Variants in GSE1 observed in about 807,000 individuals in gnomAD.
GSE1 encodes the protein Gse1 coiled-coil protein.
A neutral mutation model predicts 112.6 loss-of-function variants in GSE1; 32 were observed. The observed-to-expected ratio is 0.28, with a 90% CI of 0.21 to 0.38. GSE1 has a LOEUF of 0.38. Ranked by LOEUF, GSE1 falls within the 10% of genes least tolerant of loss-of-function variation. The pLI, the probability that GSE1 is intolerant of heterozygous loss-of-function variation, is 1.00. For synonymous variants in GSE1, 1,115 were observed against 735.6 expected, an observed-to-expected ratio of 1.52 and a Z score of -8.35; for missense variants, 2,348 against 1,699.2, an observed-to-expected ratio of 1.38 and a Z score of -6.71.
intron 2 of GSE1, among the ~76,000 whole-genome samples, chr16:85,440,755 C>A (rs2049356487): frequency 6.6e-6 from 1 of 152,212 alleles, no homozygotes; most frequent in Non-Finnish European, 1.5e-5. Flanking sequence ...TGGAATATGC[C>A]CGTGGAGGTG....
rs142285041 is a variant in GSE1 at position 85,654,878 on chromosome 16, C to A, written c.684C>A (p.Thr228=). The A allele has an allele frequency of 4.4e-4, 712 of 1,611,426 alleles. 1 individual carries two copies. In the African/African-American group the frequency reaches 8.3e-3, roughly 19 times the overall value. ...YLRSFRPYHT[T]DDLRMSSLPP... is the part of the protein sequence containing the mutation. Reference sequence around the variant, plus strand: ...GAAGCTTCCGGCCCTACCACACCACCGACGACCTCCGCATGTCCTCACTGC... The same window carrying A: ...GAAGCTTCCGGCCCTACCACACCACAGACGACCTCCGCATGTCCTCACTGC... Residue 228 remains threonine (T), a synonymous_variant, in exon 5 of 16, where the codon ACC becomes ACA. Transcript: ENST00000253458.
chr16:85,353,136 T>C (rs958871251), intron 1 of GSE1, among the ~76,000 whole-genome samples: 2 of 152,310 alleles, frequency 1.3e-5, no homozygotes, highest in Middle Eastern at 3.4e-3. Context: ...TAGGACGCAG[T>C]CTCAGATGGA....
chr16:85,182,191 G>C (rs1021623744), intron 1 of GSE1, among the ~76,000 whole-genome samples: 1 of 152,154 alleles, frequency 6.6e-6, no homozygotes, highest in African/African-American at 2.4e-5. Flanking sequence ...AGTCCGGGTA[G>C]TCTGGGCTCC....
Position 85,663,531 on chromosome 16 carries a change from T to C in GSE1, c.2561T>C (p.Met854Thr). The change falls in exon 11 of 16, where the codon ATG (methionine) becomes ACG (threonine). Residue 854 changes from methionine (M) to threonine (T), a missense_variant. Coordinates refer to ENST00000253458, the MANE Select transcript of GSE1 (RefSeq NM_014615.5). ...TCTACCCGCTACAGCCCTGATGAGATGAACAACAGTCCCAACTTCGAAGAA... is the reference window on the plus strand; with the variant it reads ...TCTACCCGCTACAGCCCTGATGAGACGAACAACAGTCCCAACTTCGAAGAA... ...ALSTRYSPDE[M>T]NNSPNFEEKK... is the part of the protein sequence containing the mutation. 1.2e-6 allele frequency: 2 copies of C among 1,612,998 alleles called. No individual in the cohort carries two copies. Among genetic ancestry groups the C allele is most frequent in the Non-Finnish European group, 1.7e-6 (2 of 1,179,844 alleles).
intron 2 of GSE1, among the ~76,000 whole-genome samples, chr16:85,451,910 C>G (rs2049693439): frequency 6.6e-6 from 1 of 152,214 alleles, no homozygotes; most frequent in Non-Finnish European, 1.5e-5. Context: ...CTAGGCTCCT[C>G]ATAACAGGCC....
Position 85,311,989 on chromosome 16 carries a change from C to T in GSE1, c.2284-45474C>T, listed in dbSNP as rs564860449. Among the ~76,000 whole-genome samples the T allele has an allele frequency of 2.1e-4, 32 of 152,322 alleles. No individual in the cohort carries two copies. The highest frequency in any genetic ancestry group is 1.9e-3 in the Admixed American group (29 of 15,304). On this transcript the variant is annotated intron_variant, in intron 1 of 2. Transcript: ENST00000637419. The surrounding 1 kb of genome is among the most constrained non-coding windows in gnomAD (Gnocchi z 4.2). ...CATGTCTGGAGATGTGGGCGGTGTC[C>T]GTGCACACTGCTGGAGCAGCTGGGC...
In GSE1 at chr16:85,634,036, C is replaced by G. The variant is rs2049777328; in HGVS notation, c.130C>G (p.Pro44Ala). Residue 44 changes from proline to alanine, a missense_variant, in exon 2 of 16, where the codon CCC becomes GCC. Physicochemically the swap from Pro to Ala is conservative, Grantham distance 27. Transcript: ENST00000253458. ...TGGCGCCCTGGTGCCCAGCGGCAGC[C>G]CCGCCACCAGCAGCGCGCTGTCGGC... The part of the protein sequence containing the change: ...LNGALVPSGS[P>A]ATSSALSAQA... 2 of 1,610,670 alleles carry G rather than the reference C, an allele frequency of 1.2e-6. No individual in the cohort carries two copies. The highest frequency in any genetic ancestry group is 2.7e-5 in the African/African-American group (2 of 74,854).
At chr16:85,338,973 G>A (rs762860868) in intron 1 of GSE1, among the ~76,000 whole-genome samples, 6 of 152,222 alleles carry the variant, frequency 3.9e-5, no homozygotes, top group African/African-American at 7.2e-5. Flanking sequence ...TCCTGTGAGC[G>A]TCGTCGGTTT....
In GSE1 at chr16:85,668,586, G is replaced by C. The variant is rs555368672; in HGVS notation, c.3415+162G>C. Among the ~76,000 whole-genome samples the C allele has an allele frequency of 2.4e-4, 36 of 152,326 alleles. 1 individual carries two copies. In the South Asian group the frequency reaches 7.5e-3, roughly 32 times the overall value. On this transcript the variant is annotated intron_variant, in intron 14 of 15. Coordinates refer to ENST00000253458, the MANE Select transcript of GSE1 (RefSeq NM_014615.5). ...TGGAAGTTTCTTCCGGCTTCTGGTAGCGGTGATGTCCCATGCTGGAACCTG... is the reference window on the plus strand; with the variant it reads ...TGGAAGTTTCTTCCGGCTTCTGGTACCGGTGATGTCCCATGCTGGAACCTG...
intron 2 of GSE1, among the ~76,000 whole-genome samples, chr16:85,531,028 C>G (rs182542049): frequency 6.6e-6 from 1 of 152,388 alleles, no homozygotes; most frequent in Non-Finnish European, 1.5e-5. Flanking sequence ...GGGCTGATCT[C>G]TGGCTCCAAG....
intron 1 of GSE1, among the ~76,000 whole-genome samples, chr16:85,310,980 C>T (rs561716520): frequency 1.1e-4 from 17 of 152,268 alleles, no homozygotes; most frequent in African/African-American, 3.9e-4. Flanking sequence ...CCTTCAGCAA[C>T]CGGCAGGCAG....
intron 8 of GSE1, among the ~76,000 whole-genome samples, chr16:85,658,923 C>G (rs1428296919): frequency 6.6e-6 from 1 of 152,256 alleles, no homozygotes; most frequent in East Asian, 1.9e-4. Context: ...GAAGCAGGGC[C>G]TGGCCTCCCC....
chr16:85,531,777 G>A (rs1342518012), intron 2 of GSE1, among the ~76,000 whole-genome samples: 1 of 152,332 alleles, frequency 6.6e-6, no homozygotes, highest in South Asian at 2.1e-4. Flanking sequence ...CTGAGACAAT[G>A]GGCTCAGGGA....
chr16:85,666,517 A>T, intron 13 of GSE1, 170 bp downstream of exon 13: 1 of 666,132 alleles, frequency 1.5e-6, no homozygotes. Flanking sequence ...TTGTTTGTTT[A>T]TCTCCAAGCT....
At chr16:85,549,739 C>T (rs1391307378) in intron 2 of GSE1, among the ~76,000 whole-genome samples, 2 of 152,192 alleles carry the variant, frequency 1.3e-5, no homozygotes, top group Admixed American at 6.5e-5. Flanking sequence ...ATAGACGGTC[C>T]AGGGACCTAA....
chr16:85,451,976 C>T (rs2049696646), intron 2 of GSE1, among the ~76,000 whole-genome samples: 2 of 152,046 alleles, frequency 1.3e-5, no homozygotes, highest in African/African-American at 2.4e-5. Flanking sequence ...CCCCCCTCAC[C>T]GAGTTTCTGG....
chr16:85,321,619 G>C (rs13380600), intron 1 of GSE1, among the ~76,000 whole-genome samples: 23,198 of 151,856 alleles, frequency 0.15, 2,007 homozygotes, highest in African/African-American at 0.24. Context: ...CTGGGTGACA[G>C]AGCAAGAGCC....
At chr16:85,308,238 G>A (rs569619251) in intron 1 of GSE1, among the ~76,000 whole-genome samples, 2 of 152,304 alleles carry the variant, frequency 1.3e-5, no homozygotes, top group African/African-American at 4.8e-5. Context: ...CCACCTAGCT[G>A]GAATCTCAGA....
At chr16:85,264,569 C>T (rs1908039461) in intron 1 of GSE1, among the ~76,000 whole-genome samples, 1 of 152,162 alleles carries the variant, frequency 6.6e-6, no homozygotes, top group Non-Finnish European at 1.5e-5. Context: ...AGCAGAGGAC[C>T]CCCAGGGACG....
Sources: allele counts gnomAD v4.1 joint callset (sites outside exome capture counted in the v4.1 genomes callset), GRCh38; gene constraint gnomAD v4.1.1; non-coding constraint Gnocchi (gnomAD v3.1); transcripts MANE v1.5; gene names NCBI Gene and HGNC (gene_info 2026-07-23, HGNC 2026-07-21).